Variants in SSR1 observed in about 807,000 individuals in gnomAD.
SSR1 encodes signal sequence receptor subunit 1, also known as translocon-associated protein subunit alpha.
A neutral mutation model predicts 36.1 loss-of-function variants in SSR1; 13 were observed. The observed-to-expected ratio is 0.36, with a 90% CI of 0.23 to 0.57. SSR1 has a LOEUF of 0.57. Among genes scored for constraint, SSR1 ranks in the 20% least tolerant of loss-of-function variants. The pLI is 0.81. For missense variants in SSR1, 291 were observed against 338.5 expected (o/e 0.86, Z 1.10); for synonymous variants, 113 against 118.9 (o/e 0.95, Z 0.32).
chr6:7,305,085 A>T (rs185445078), intron 2 of SSR1, among the ~76,000 whole-genome samples: 7 of 152,354 alleles, frequency 4.6e-5, no homozygotes, highest in Non-Finnish European at 1.0e-4. Context: ...AGAGGCTGAA[A>T]CCATAAATGA....
chr6:7,290,489 A>G (rs186197973), intron 7 of SSR1, among the ~76,000 whole-genome samples: 1 of 152,322 alleles, frequency 6.6e-6, no homozygotes, highest in Admixed American at 6.5e-5. Flanking sequence ...ATTTGGTAAG[A>G]GGTGTCATTT....
At chr6:7,295,074 A>C in intron 7 of SSR1, 1 of 1,506,350 alleles carries the variant, frequency 6.6e-7, no homozygotes, top group Non-Finnish European at 8.8e-7. Flanking sequence ...CATTAAAAAA[A>C]TTAAATGCCT....
At chr6:7,291,812 C>G (rs929846536) in intron 7 of SSR1, among the ~76,000 whole-genome samples, 1 of 152,164 alleles carries the variant, frequency 6.6e-6, no homozygotes, top group Non-Finnish European at 1.5e-5. Context: ...TGGCTCACAC[C>G]TATAATCCCA....
At chr6:7,298,888 T>C (rs374852960) in intron 4 of SSR1, 65 bp from the exon 5 acceptor site, 14 of 1,313,872 alleles carry the variant, frequency 1.1e-5, no homozygotes, top group African/African-American at 4.4e-5. Context: ...ACATGTAACA[T>C]TACTTAAAAC....
At chr6:7,300,935 A>G (rs567722719) in intron 4 of SSR1, among the ~76,000 whole-genome samples, 1 of 152,278 alleles carries the variant, frequency 6.6e-6, no homozygotes, top group Admixed American at 6.5e-5. Context: ...GAGCCACTGT[A>G]CCCAGCAACA....
At chr6:7,312,119 T>A (rs1758207821) in intron 1 of SSR1, among the ~76,000 whole-genome samples, 1 of 152,238 alleles carries the variant, frequency 6.6e-6, no homozygotes, top group African/African-American at 2.4e-5. Context: ...ATGAAAGGGA[T>A]GCTTAGTCAG....
rs11552672 is a variant in SSR1 at position 7,309,949 on chromosome 6, C to T, written c.160G>A (p.Ala54Thr). The T allele has an allele frequency of 6.2e-7, 1 of 1,613,836 alleles. No homozygotes were observed. Among genetic ancestry groups the T allele is most frequent in the African/African-American group, 1.3e-5 (1 of 75,032 alleles). ...DSIIEDEDDE[A>T]EVEEDEPTDL... is the part of the protein sequence containing the mutation. ...GTGGGTTCATCTTCTTCTACCTCGG[C>T]TTCATCATCTTCATCCTCAATTATG... Residue 54 changes from alanine to threonine, a missense_variant, in exon 2 of 8, where the codon GCC (alanine) becomes ACC (threonine). By Grantham distance (58) the Ala-to-Thr change is moderately conservative (BLOSUM62 0). Coordinates refer to ENST00000244763, the MANE Select transcript of SSR1 (RefSeq NM_003144.5).
At position 7,291,665 on chromosome 6, in the gene SSR1, C is replaced by G. The variant is rs999743606; in HGVS notation, c.794-1734G>C. Among the ~76,000 whole-genome samples the G allele has an allele frequency of 2.2e-5, 3 of 138,106 alleles. 1 individual carries two copies. The highest frequency in any genetic ancestry group is 2.2e-4 in the Admixed American group (3 of 13,812). 90.6% of individuals were successfully genotyped at this position (138,106 alleles called of 152,430 possible). On this transcript the variant is annotated intron_variant, in intron 7 of 7. Transcript: ENST00000244763. ...GACTAGGAACTACTGCCCTTACAGA[C>G]AACCAATCTCTAAATAAAACTTTTT...
At chr6:7,292,525 C>T (rs1757705925) in intron 7 of SSR1, among the ~76,000 whole-genome samples, 1 of 151,364 alleles carries the variant, frequency 6.6e-6, no homozygotes, top group African/African-American at 2.4e-5. Flanking sequence ...CAGTCCTCCA[C>T]AAAGTGATCC....
chr6:7,289,850 G>A lies in SSR1; in HGVS notation c.*14C>T. The A allele has an allele frequency of 6.4e-7, 1 of 1,567,648 alleles. No homozygotes were observed. Among genetic ancestry groups the A allele is most frequent in the South Asian group, 1.2e-5 (1 of 81,564 alleles). On this transcript the variant is annotated 3_prime_UTR_variant, in exon 8 of 8. Coordinates refer to ENST00000244763, the MANE Select transcript of SSR1 (RefSeq NM_003144.5). The stretch of plus-strand genomic sequence containing the variant: ...CAGGTTAAGTAAAGACCGAATTGTT[G>A]CACAAAGGAACATTTACTCATCAGA...
chr6:7,290,922 C>T (rs1328508234), intron 7 of SSR1, among the ~76,000 whole-genome samples: 1 of 151,356 alleles, frequency 6.6e-6, no homozygotes, highest in Non-Finnish European at 1.5e-5. Context: ...GAGACAGAGT[C>T]TCACTCTGTC....
At chr6:7,303,670 ATGGG>A in intron 2 of SSR1, 33 bp from the exon 3 acceptor site, 1 of 1,469,854 alleles carries the variant, frequency 6.8e-7, no homozygotes, top group South Asian at 1.2e-5. Context: ...GGAGATTACT[ATGGG>A]AGAAAAAAAA....
intron 2 of SSR1, among the ~76,000 whole-genome samples, chr6:7,306,395 A>G (rs955925861): frequency 4.6e-5 from 7 of 151,978 alleles, no homozygotes; most frequent in Non-Finnish European, 1.0e-4. Context: ...CACCCGCCTC[A>G]GCCTCCCAAA....
chr6:7,299,942 C>T (rs1452056650), intron 4 of SSR1, among the ~76,000 whole-genome samples: 2 of 152,008 alleles, frequency 1.3e-5, no homozygotes, highest in African/African-American at 4.8e-5. Flanking sequence ...CTTCAATTTG[C>T]ATTCCTCTAT....
Position 7,286,347 on chromosome 6 carries a change from A to C in SSR1, c.*3517T>G, listed in dbSNP as rs895127567. On this transcript the variant is annotated 3_prime_UTR_variant, in exon 8 of 8. Transcript: ENST00000244763. ...GATAAAAATTCATACAAAATCCATT[A>C]GTAACATTCATAAGCACCCGAAATA... 1 of 152,362 alleles carries C rather than the reference A, an allele frequency of 6.6e-6. No homozygotes were observed. The highest frequency in any genetic ancestry group is 1.9e-4 in the East Asian group (1 of 5,188). The allele number at this position is 152,362 out of a possible 1,614,324, so 9.4% of individuals were successfully genotyped here.
chr6:7,312,065 C>A (rs180809174), intron 1 of SSR1, among the ~76,000 whole-genome samples: 56 of 152,280 alleles, frequency 3.7e-4, no homozygotes, highest in Non-Finnish European at 6.3e-4. Flanking sequence ...CTCGTGAATA[C>A]CTGTCACTAC....
chr6:7,288,603 TATAAA>T lies in SSR1; in HGVS notation c.*1256_*1260del, dbSNP rs1002861833. 6.6e-6 allele frequency: 1 copy of T among 152,592 alleles called. No individual in the cohort carries two copies. The highest frequency in any genetic ancestry group is 2.4e-5 in the African/African-American group (1 of 41,454). The allele number at this position is 152,592 out of a possible 1,614,324, so 9.5% of individuals were successfully genotyped here. A position where few individuals can be genotyped will look rare whatever the true frequency, so the allele number is the denominator to read the frequency against. On this transcript the variant is annotated 3_prime_UTR_variant, in exon 8 of 8. Coordinates refer to ENST00000244763, the MANE Select transcript of SSR1 (RefSeq NM_003144.5). ...ACTAAAATTTGACTTAACATTTTCT[TATAAA>T]ATACATGTAGGAGAATATGGCTTAA... is the stretch of plus-strand genomic sequence containing the variant.
intron 6 of SSR1, chr6:7,297,127 G>T (rs776482901): frequency 2.2e-4 from 77 of 348,460 alleles, no homozygotes; most frequent in Middle Eastern, 1.8e-3. Flanking sequence ...AGCTGAGGTG[G>T]GAGGATGACT....
At chr6:7,296,225 C>T (rs1418389939) in intron 6 of SSR1, among the ~76,000 whole-genome samples, 1 of 151,760 alleles carries the variant, frequency 6.6e-6, no homozygotes, top group Non-Finnish European at 1.5e-5. Flanking sequence ...AAGAAACCAA[C>T]AAACCTCAGT....
Sources: allele counts gnomAD v4.1 joint callset (sites outside exome capture counted in the v4.1 genomes callset), GRCh38; gene constraint gnomAD v4.1.1; transcripts MANE v1.5; gene names NCBI Gene and HGNC (gene_info 2026-07-23, HGNC 2026-07-21).